S100A14: variants seen among roughly 807,000 people sequenced by gnomAD.
S100A14 encodes protein S100-A14.
S100A14 carries 6 observed loss-of-function variants against 10.6 expected under a neutral mutation model. The observed-to-expected ratio is 0.57, with a 90% confidence interval of 0.31 to 1.12. S100A14 has a LOEUF of 1.12. Among genes scored for constraint, S100A14 ranks in the 50% most tolerant of loss-of-function variants. S100A14 has a pLI of 0.06. For synonymous variants in S100A14, 51 were observed against 51.0 expected (o/e 1.00, Z 0.00); for missense variants, 121 against 128.7 (o/e 0.94, Z 0.29).
chr1:153,615,378 C>T lies in S100A14; in HGVS notation c.34G>A (p.Ala12Thr), dbSNP rs1389726919. Residue 12 changes from alanine (A) to threonine (T), a missense_variant, in exon 3 of 4, where the codon GCT (alanine) becomes ACT (threonine). Transcript: ENST00000344616. ...GQCRSANAED[A>T]QEFSDVERAI... is the part of the protein sequence containing the mutation. Reference sequence around the variant, plus strand: ...CTCTCCACATCACTGAATTCCTGAGCATCCTGAGGGCAGGGGACATCACAA... The same window carrying T: ...CTCTCCACATCACTGAATTCCTGAGTATCCTGAGGGCAGGGGACATCACAA... 1 of 1,613,466 alleles carries T rather than the reference C, an allele frequency of 6.2e-7. No individual in the cohort carries two copies. The highest frequency in any genetic ancestry group is 8.5e-7 in the Non-Finnish European group (1 of 1,179,774).
chr1:153,615,081 C>G lies in S100A14; in HGVS notation c.178-59G>C, dbSNP rs762274275. The G allele has an allele frequency of 3.3e-4, 523 of 1,596,848 alleles. 1 individual carries two copies. Among genetic ancestry groups the G allele is most frequent in the South Asian group, 9.5e-4 (83 of 87,736 alleles). On this transcript the variant is annotated intron_variant, in intron 3 of 3. Coordinates refer to ENST00000344616, the MANE Select transcript of S100A14 (RefSeq NM_020672.3). ...GCAGCACCTTCCAATCTTCCCACCC[C>G]ACCCTGCCCACGGGCAGACAGCAGG...
In S100A14 at chr1:153,614,971, A is replaced by G; in HGVS notation, c.229T>C (p.Ser77Pro). 1 of 1,613,912 alleles carries G rather than the reference A, an allele frequency of 6.2e-7. No homozygotes were observed. Among genetic ancestry groups the G allele is most frequent in the East Asian group, 2.2e-5 (1 of 44,870 alleles). ...CAGAAACTCCTGAACTCCAGTTTAG[A>G]GTCATTGCAGCTGCCCAGGTTGGCA... ...KIANLGSCND[S>P]KLEFRSFWEL... Residue 77 changes from serine to proline, a missense_variant, in exon 4 of 4, where the codon TCT becomes CCT. Transcript: ENST00000344616.
In S100A14 at chr1:153,615,087, G is replaced by A. The variant is rs548403860; in HGVS notation, c.178-65C>T. The A allele has an allele frequency of 1.9e-6, 3 of 1,594,128 alleles. No homozygotes were observed. In the South Asian group the frequency reaches 3.4e-5, roughly 18 times the overall value. ...CCTTCCAATCTTCCCACCCCACCCT[G>A]CCCACGGGCAGACAGCAGGAGCAGA... On this transcript the variant is annotated intron_variant, in intron 3 of 3. Transcript: ENST00000344616.
At position 153,614,681 on chromosome 1, in the gene S100A14, C is replaced by T; in HGVS notation, c.*204G>A. ...TCCCTGGCCCAACCAGTCCCCTGAG[C>T]CTCCCTCTGGTGGAGACTCCTCCAC... On this transcript the variant is annotated 3_prime_UTR_variant, in exon 4 of 4. Coordinates refer to ENST00000344616, the MANE Select transcript of S100A14 (RefSeq NM_020672.3). 1 of 557,798 alleles carries T rather than the reference C, an allele frequency of 1.8e-6. No homozygotes were observed. Among genetic ancestry groups the T allele is most frequent in the South Asian group, 3.0e-5 (1 of 33,410 alleles). The allele number at this position is 557,798 out of a possible 1,614,324, so 34.6% of individuals were successfully genotyped here.
Position 153,615,944 on chromosome 1 carries a change from G to C in S100A14, c.-78-8C>G, listed in dbSNP as rs1252999852. On this transcript the variant is annotated splice_region_variant and splice_polypyrimidine_tract_variant and intron_variant, in intron 1 of 3. Transcript: ENST00000344616. ...GAGCTGATGGCTCATGATCTGCTTA[G>C]AGGAGGGGGTAGGCCTGAGCTGAGG... 5.1e-6 allele frequency: 7 copies of C among 1,372,512 alleles called. No individual in the cohort carries two copies. Among genetic ancestry groups the C allele is most frequent in the Non-Finnish European group, 7.3e-6 (7 of 961,342 alleles). The allele number at this position is 1,372,512 out of a possible 1,614,324, so 85.0% of individuals were successfully genotyped here.
Position 153,615,893 on chromosome 1 carries a change from C to CT in S100A14, c.-36dup. On this transcript the variant is annotated 5_prime_UTR_variant, in exon 2 of 4. Transcript: ENST00000344616. ...TGTGTCTGGTCCTTTGGTGAGAGTTCTGTTGTCCTATAGCTGGCCCCAGAG... is the reference window on the plus strand; with the variant it reads ...TGTGTCTGGTCCTTTGGTGAGAGTTCTTGTTGTCCTATAGCTGGCCCCAGAG... 1 of 1,612,586 alleles carries CT rather than the reference C, an allele frequency of 6.2e-7. No homozygotes were observed. The highest frequency in any genetic ancestry group is 8.5e-7 in the Non-Finnish European group (1 of 1,178,660).
Position 153,615,953 on chromosome 1 carries a change from GT to G in S100A14, c.-78-18del. ...GCTCATGATCTGCTTAGAGGAGGGGGTAGGCCTGAGCTGAGGAGAGAGTCTA... is the reference window on the plus strand; with the variant it reads ...GCTCATGATCTGCTTAGAGGAGGGGGAGGCCTGAGCTGAGGAGAGAGTCTA... On this transcript the variant is annotated intron_variant, in intron 1 of 3. Coordinates refer to ENST00000344616, the MANE Select transcript of S100A14 (RefSeq NM_020672.3). 3 of 1,248,736 alleles carry G rather than the reference GT, an allele frequency of 2.4e-6. 1 individual carries two copies. The South Asian group carries it at 3.6e-5, about 15-fold the overall frequency. The allele number at this position is 1,248,736 out of a possible 1,614,324, so 77.4% of individuals were successfully genotyped here.
rs11548102 is a variant in S100A14, at chr1:153,614,780, A to T, written c.*105T>A. The T allele has an allele frequency of 0.48, 649,363 of 1,360,660 alleles. 161,382 individuals carry two copies. The highest frequency in any genetic ancestry group is 0.63 in the Admixed American group (28,261 of 44,810). The allele number at this position is 1,360,660 out of a possible 1,614,324, so 84.3% of individuals were successfully genotyped here. A position where few individuals can be genotyped will look rare whatever the true frequency, so the allele number is the denominator to read the frequency against. ...AAGGAAGCTGAACTTTGCAGAGATG[A>T]GGACAGGTGCAGGCTAGGGTACAGG... On this transcript the variant is annotated 3_prime_UTR_variant, in exon 4 of 4. Coordinates refer to ENST00000344616, the MANE Select transcript of S100A14 (RefSeq NM_020672.3).
Position 153,615,809 on chromosome 1 carries a change from C to T in S100A14, c.30+20G>A. 6.2e-7 allele frequency: 1 copy of T among 1,613,596 alleles called. No homozygotes were observed. Among genetic ancestry groups the T allele is most frequent in the Non-Finnish European group, 8.5e-7 (1 of 1,179,544 alleles). On this transcript the variant is annotated intron_variant, in intron 2 of 3. Transcript: ENST00000344616. ...GGAGAGGAGTGTGGGAGCAGAAAGG[C>T]CAGGAGTGAATGAGCCCACCTCTGC...
At chr1:153,615,043 A>G in intron 3 of S100A14, 21 bp from the exon 4 acceptor site, 2 of 1,612,376 alleles carry the variant, frequency 1.2e-6, no homozygotes, top group South Asian at 1.1e-5. Context: ...TGAAGAAACC[A>G]TGGCTCAGGG....
chr1:153,615,793 T>C, intron 2 of S100A14, 36 bp downstream of exon 2: 2 of 1,610,082 alleles, frequency 1.2e-6, no homozygotes, highest in African/African-American at 1.3e-5. Flanking sequence ...AGGAGAGGAG[T>C]GTGGGAGCAG....
Position 153,615,037 on chromosome 1 carries a change from G to A in S100A14, c.178-15C>T. Reference sequence around the variant, plus strand: ...CCACAGTTGCTCTGAGGGGAGTGAAGAAACCATGGCTCAGGGATGCAGCAC... The same window carrying A: ...CCACAGTTGCTCTGAGGGGAGTGAAAAAACCATGGCTCAGGGATGCAGCAC... On this transcript the variant is annotated splice_polypyrimidine_tract_variant and intron_variant, in intron 3 of 3. Coordinates refer to ENST00000344616, the MANE Select transcript of S100A14 (RefSeq NM_020672.3). 6.2e-7 allele frequency: 1 copy of A among 1,613,070 alleles called. No homozygotes were observed. Among genetic ancestry groups the A allele is most frequent in the South Asian group, 1.1e-5 (1 of 90,990 alleles).
At chr1:153,615,619 G>T (rs938135715) in intron 2 of S100A14, among the ~76,000 whole-genome samples, 1 of 152,164 alleles carries the variant, frequency 6.6e-6, no homozygotes, top group Non-Finnish European at 1.5e-5. Flanking sequence ...GGCAGAGCAG[G>T]TCCCAGCATG....
intron 3 of S100A14, 74 bp from the exon 4 acceptor site, chr1:153,615,096 C>T: frequency 1.3e-6 from 2 of 1,590,852 alleles, no homozygotes; most frequent in Non-Finnish European, 1.7e-6. Flanking sequence ...TGCCCACGGG[C>T]AGACAGCAGG....
chr1:153,615,822 A>G lies in S100A14; in HGVS notation c.30+7T>C, dbSNP rs1260491629. ...GGAGCAGAAAGGCCAGGAGTGAATGAGCCCACCTCTGCGTTGGCTGACCGA... is the reference window on the plus strand; with the variant it reads ...GGAGCAGAAAGGCCAGGAGTGAATGGGCCCACCTCTGCGTTGGCTGACCGA... On this transcript the variant is annotated splice_region_variant and intron_variant, in intron 2 of 3. Coordinates refer to ENST00000344616, the MANE Select transcript of S100A14 (RefSeq NM_020672.3). 1.9e-6 allele frequency: 3 copies of G among 1,613,824 alleles called. No individual in the cohort carries two copies. In the Admixed American group the frequency reaches 5.0e-5, roughly 27 times the overall value.
chr1:153,615,554 A>C (rs1666944586), intron 2 of S100A14, among the ~76,000 whole-genome samples, 173 bp from the exon 3 acceptor site: 1 of 151,972 alleles, frequency 6.6e-6, no homozygotes, highest in African/African-American at 2.4e-5. Context: ...CTCGGCCTCC[A>C]GGCCACAGCA....
rs748896804 is a variant in S100A14, at chr1:153,615,890, G to A, written c.-32C>T. On this transcript the variant is annotated 5_prime_UTR_variant, in exon 2 of 4. Transcript: ENST00000344616. ...CACTGTGTCTGGTCCTTTGGTGAGA[G>A]TTCTGTTGTCCTATAGCTGGCCCCA... The A allele has an allele frequency of 2.5e-6, 4 of 1,612,982 alleles. No homozygotes were observed. The highest frequency in any genetic ancestry group is 3.4e-6 in the Non-Finnish European group (4 of 1,179,024).
chr1:153,615,981 C>G lies in S100A14; in HGVS notation c.-78-45G>C, dbSNP rs145904770. 1.2e-4 allele frequency: 113 copies of G among 937,412 alleles called. No individual in the cohort carries two copies. The African/African-American group carries it at 1.4e-3, about 12-fold the overall frequency. 58.1% of individuals were successfully genotyped at this position (937,412 alleles called of 1,614,324 possible). A position where few individuals can be genotyped will look rare whatever the true frequency, so the allele number is the denominator to read the frequency against. On this transcript the variant is annotated intron_variant, in intron 1 of 3. Coordinates refer to ENST00000344616, the MANE Select transcript of S100A14 (RefSeq NM_020672.3). Reference sequence around the variant, plus strand: ...GGCCTGAGCTGAGGAGAGAGTCTAGCATTTCTTTCTCAGCTGCCCCCTTTG... The same window carrying G: ...GGCCTGAGCTGAGGAGAGAGTCTAGGATTTCTTTCTCAGCTGCCCCCTTTG...
Position 153,614,727 on chromosome 1 carries a change from C to T in S100A14, c.*158G>A. 2 of 894,730 alleles carry T rather than the reference C, an allele frequency of 2.2e-6. No homozygotes were observed. The highest frequency in any genetic ancestry group is 3.4e-5 in the African/African-American group (2 of 59,278). The allele number at this position is 894,730 out of a possible 1,614,324, so 55.4% of individuals were successfully genotyped here. A position where few individuals can be genotyped will look rare whatever the true frequency, so the allele number is the denominator to read the frequency against. On this transcript the variant is annotated 3_prime_UTR_variant, in exon 4 of 4. Coordinates refer to ENST00000344616, the MANE Select transcript of S100A14 (RefSeq NM_020672.3). ...TCCACCCATGAGCTCCCCAGAGCAT[C>T]CAAGACAGAGTGCACAGAGACCTGG... is the stretch of plus-strand genomic sequence containing the variant.
Sources: allele counts gnomAD v4.1 joint callset (sites outside exome capture counted in the v4.1 genomes callset), GRCh38; gene constraint gnomAD v4.1.1; transcripts MANE v1.5; gene names NCBI Gene and HGNC (gene_info 2026-07-23, HGNC 2026-07-21).